The following TMF1 variants were observed in gnomAD, a reference collection of about 807,000 sequenced individuals.
TMF1 encodes the protein TATA element modulatory factor 1.
A neutral mutation model predicts 126.5 loss-of-function variants in TMF1; 71 were observed. The observed-to-expected ratio is 0.56, with a 90% CI of 0.46 to 0.68. TMF1 has a LOEUF of 0.68. Among genes scored for constraint, TMF1 ranks in the 30% least tolerant of loss-of-function variants. The pLI, the probability that TMF1 is intolerant of heterozygous loss-of-function variation, is 0.00. For synonymous variants in TMF1, 461 were observed against 430.5 expected, an observed-to-expected ratio of 1.07 and a Z score of -0.88; for missense variants, 1,259 against 1,253.2, an observed-to-expected ratio of 1.00 and a Z score of -0.07.
intron 4 of TMF1, 58 bp downstream of exon 4, chr3:69,043,692 T>C (rs1396936560): frequency 7.1e-7 from 1 of 1,412,084 alleles, no homozygotes; most frequent in African/African-American, 1.5e-5. Context: ...ATGAATGCAC[T>C]CCTCAAAAAT....
intron 10 of TMF1, 138 bp from the exon 11 acceptor site, chr3:69,030,145 A>T (rs2091791449): frequency 1.6e-6 from 1 of 635,008 alleles, no homozygotes; most frequent in Non-Finnish European, 2.6e-6. Context: ...CTAAGGCAGG[A>T]CTGTCTACTG....
chr3:69,052,178 T>C lies in TMF1; in HGVS notation c.-92A>G. 2 of 1,387,210 alleles carry C rather than the reference T, an allele frequency of 1.4e-6. No individual in the cohort carries two copies. 85.9% of individuals were successfully genotyped at this position (1,387,210 alleles called of 1,614,324 possible). A position where few individuals can be genotyped will look rare whatever the true frequency, so the allele number is the denominator to read the frequency against. On this transcript the variant is annotated 5_prime_UTR_variant, in exon 1 of 17. Coordinates refer to ENST00000398559, the MANE Select transcript of TMF1 (RefSeq NM_007114.3). ...TGCAGAGGAACGGCTTCGCTCCCCT[T>C]TTCCACTCGGCTGGTTCTGTCAGCG...
chr3:69,038,170 A>C (rs904421574), intron 8 of TMF1, among the ~76,000 whole-genome samples: 13 of 152,234 alleles, frequency 8.5e-5, no homozygotes, highest in Non-Finnish European at 1.8e-4. Flanking sequence ...TGATTTGATA[A>C]GACAAAGCCT....
chr3:69,025,025 G>A (rs2091760494), intron 15 of TMF1: 1 of 152,096 alleles, frequency 6.6e-6, no homozygotes. Context: ...TTTTTTAAAA[G>A]CCAAAAAGGT....
intron 11 of TMF1, 47 bp from the exon 12 acceptor site, chr3:69,028,342 C>T (rs1293795321): frequency 7.8e-7 from 1 of 1,276,640 alleles, no homozygotes; most frequent in East Asian, 2.3e-5. Flanking sequence ...GAAAAAGATG[C>T]TAGTATAGAC....
In TMF1 at chr3:69,021,412, A is replaced by C. The variant is rs1053555; in HGVS notation, c.*1765T>G. The stretch of plus-strand genomic sequence containing the variant: ...TCTGCCCTTGAATATTACACACACA[A>C]AAAAATCAAGCTGACAAAAAGCTAT... On this transcript the variant is annotated 3_prime_UTR_variant, in exon 17 of 17. Coordinates refer to ENST00000398559, the MANE Select transcript of TMF1 (RefSeq NM_007114.3). 75,592 of 152,030 alleles carry C rather than the reference A, an allele frequency of 0.5. 19,329 individuals carry two copies. The highest frequency in any genetic ancestry group is 0.54 in the Admixed American group (8,250 of 15,198). 9.4% of individuals were successfully genotyped at this position (152,030 alleles called of 1,614,324 possible).
chr3:69,042,703 C>T, intron 5 of TMF1, 104 bp downstream of exon 5: 1 of 933,528 alleles, frequency 1.1e-6, no homozygotes, highest in South Asian at 1.4e-5. Context: ...TCCAAACCCT[C>T]CTTGCTTTCA....
chr3:69,028,052 C>A, intron 12 of TMF1, 60 bp from the exon 13 acceptor site: 1 of 1,209,052 alleles, frequency 8.3e-7, no homozygotes, highest in South Asian at 1.3e-5. Context: ...CATGATAAGT[C>A]AATCTCAAAG....
Position 69,025,562 on chromosome 3 carries a change from G to A in TMF1, c.3010C>T (p.Gln1004Ter). The A allele has an allele frequency of 6.2e-7, 1 of 1,611,142 alleles. No homozygotes were observed. Among genetic ancestry groups the A allele is most frequent in the Non-Finnish European group, 8.5e-7 (1 of 1,178,928 alleles). ...KLREGEITHL[Q>*]LEIGNLEKTR... Reference sequence around the variant, plus strand: ...AGCAAATTTAATTTTTCCAATACCTGTAAATGAGTGATTTCCCCTTCCCTT... The same window carrying A: ...AGCAAATTTAATTTTTCCAATACCTATAAATGAGTGATTTCCCCTTCCCTT... The change falls in exon 15 of 17, where the codon CAG (glutamine) becomes TAG (stop). Residue 1004 changes from glutamine (Q) to a stop codon, truncating the protein, a stop_gained and splice_region_variant. Coordinates refer to ENST00000398559, the MANE Select transcript of TMF1 (RefSeq NM_007114.3). LOFTEE classifies it high-confidence loss of function.
chr3:69,039,538 G>T lies in TMF1; in HGVS notation c.1827+13C>A, dbSNP rs376647086. The stretch of plus-strand genomic sequence containing the variant: ...TAACAATATATATGTAGAGAATTAT[G>T]ATTGCTATTCACCTGTTTCAAATGC... On this transcript the variant is annotated intron_variant, in intron 6 of 16. Coordinates refer to ENST00000398559, the MANE Select transcript of TMF1 (RefSeq NM_007114.3). 5.0e-6 allele frequency: 8 copies of T among 1,606,520 alleles called. No homozygotes were observed. In the Middle Eastern group the frequency reaches 6.6e-4, roughly 133 times the overall value.
At chr3:69,028,811 GA>G (rs1192921255) in intron 11 of TMF1, among the ~76,000 whole-genome samples, 1 of 151,926 alleles carries the variant, frequency 6.6e-6, no homozygotes, top group East Asian at 1.9e-4. Context: ...AATTTATTTA[GA>G]AAAGACTTAA....
At chr3:69,038,189 T>C (rs2091843182) in intron 8 of TMF1, among the ~76,000 whole-genome samples, 1 of 152,220 alleles carries the variant, frequency 6.6e-6, no homozygotes, top group African/African-American at 2.4e-5. Flanking sequence ...CTCACAAATT[T>C]TGTTTTTCCT....
At chr3:69,041,279 T>C (rs1415773927) in intron 5 of TMF1, among the ~76,000 whole-genome samples, 1 of 152,198 alleles carries the variant, frequency 6.6e-6, no homozygotes, top group Non-Finnish European at 1.5e-5. Flanking sequence ...GTGCTTAGAA[T>C]TGTGTTTTAT....
At chr3:69,028,624 TTC>T (rs2107456412) in intron 11 of TMF1, among the ~76,000 whole-genome samples, 1 of 152,286 alleles carries the variant, frequency 6.6e-6, no homozygotes, top group South Asian at 2.1e-4. Context: ...TATTAGGGAG[TTC>T]TATGAAAATG....
In TMF1 at chr3:69,029,809, G is replaced by T; in HGVS notation, c.2594+6C>A. The T allele has an allele frequency of 1.3e-6, 2 of 1,596,940 alleles. No homozygotes were observed. Among genetic ancestry groups the T allele is most frequent in the Non-Finnish European group, 1.7e-6 (2 of 1,172,176 alleles). On this transcript the variant is annotated splice_donor_region_variant and intron_variant, in intron 11 of 16. Coordinates refer to ENST00000398559, the MANE Select transcript of TMF1 (RefSeq NM_007114.3). Reference sequence around the variant, plus strand: ...ACCAAAAATATCACTCAGAAACCATGCTCACCTATTGTTCTCATCCTCCAG... The same window carrying T: ...ACCAAAAATATCACTCAGAAACCATTCTCACCTATTGTTCTCATCCTCCAG...
intron 6 of TMF1, 77 bp from the exon 7 acceptor site, chr3:69,039,086 T>C (rs2091849265): frequency 8.8e-7 from 1 of 1,133,640 alleles, no homozygotes; most frequent in African/African-American, 1.6e-5. Context: ...CAGGAATCTA[T>C]AATAATGGAG....
intron 8 of TMF1, among the ~76,000 whole-genome samples, chr3:69,037,228 C>G (rs749560538): frequency 2.5e-4 from 38 of 152,242 alleles, no homozygotes; most frequent in Non-Finnish European, 4.1e-4. Flanking sequence ...GGCGTAGTGG[C>G]TCACGCCTGT....
intron 13 of TMF1, among the ~76,000 whole-genome samples, chr3:69,027,239 A>G (rs1446336969): frequency 6.6e-6 from 1 of 152,030 alleles, no homozygotes; most frequent in Non-Finnish European, 1.5e-5. Flanking sequence ...CAAGTGATCC[A>G]CCTACCTCAG....
intron 8 of TMF1, 175 bp from the exon 9 acceptor site, chr3:69,035,290 G>A: frequency 1.8e-6 from 1 of 561,062 alleles, no homozygotes; most frequent in South Asian, 2.4e-5. Flanking sequence ...TTCTAAAACT[G>A]TATGTATATT....
Sources: allele counts gnomAD v4.1 joint callset (sites outside exome capture counted in the v4.1 genomes callset), GRCh38; gene constraint gnomAD v4.1.1; transcripts MANE v1.5; gene names NCBI Gene and HGNC (gene_info 2026-07-23, HGNC 2026-07-21).